Variants in NUMA1 observed in about 807,000 individuals in gnomAD.
The protein encoded by NUMA1 is SP-H antigen.
In NUMA1, 62 loss-of-function variants were observed where a neutral mutation model predicts 237.1. That is an observed-to-expected ratio of 0.26 (90% CI 0.21 to 0.32). NUMA1 has a LOEUF of 0.32. Among genes scored for constraint, NUMA1 ranks in the 10% least tolerant of loss-of-function variants. The probability of loss-of-function intolerance (pLI) is 1.00; values close to 1 mark genes in which losing one functional copy is unlikely to be tolerated. For synonymous variants in NUMA1, 1,028 were observed against 1,066.1 expected (o/e 0.96, Z 0.70); for missense variants, 2,533 against 2,666.5 (o/e 0.95, Z 1.10).
intron 1 of NUMA1, among the ~76,000 whole-genome samples, chr11:72,078,501 C>T (rs2136380723): frequency 6.6e-6 from 1 of 152,350 alleles, no homozygotes; most frequent in East Asian, 1.9e-4. Context: ...CAGGGCTTTG[C>T]CCTCATCCTA....
Position 72,013,024 on chromosome 11 carries a change from C to T in NUMA1, c.4479G>A (p.Glu1493=), listed in dbSNP as rs755039295. The change falls in exon 15 of 27, where the codon GAG becomes GAA. Residue 1493 remains glutamate, a synonymous_variant. Coordinates refer to ENST00000393695, the MANE Select transcript of NUMA1 (RefSeq NM_006185.4). This position sits in a 1 kb window ranked among gnomAD's most constrained non-coding sequence, Gnocchi z 6.8. ...VRADAETRLA[E]VQREAQSTAR... is the part of the protein sequence containing the mutation. Reference sequence around the variant, plus strand: ...CAGTGCTCTGTGCTTCTCGCTGCACCTCAGCCAGACGGGTCTCAGCATCAG... The same window carrying T: ...CAGTGCTCTGTGCTTCTCGCTGCACTTCAGCCAGACGGGTCTCAGCATCAG... The T allele has an allele frequency of 6.2e-7, 1 of 1,614,216 alleles. No individual in the cohort carries two copies. Among genetic ancestry groups the T allele is most frequent in the South Asian group, 1.1e-5 (1 of 91,088 alleles).
rs1349686057 is a variant in NUMA1 at position 72,022,373 on chromosome 11, G to A, written c.338C>T (p.Pro113Leu). The A allele has an allele frequency of 6.2e-7, 1 of 1,613,780 alleles. No homozygotes were observed. The highest frequency in any genetic ancestry group is 2.2e-5 in the East Asian group (1 of 44,838). Residue 113 changes from proline to leucine, a missense_variant, in exon 7 of 27, where the codon CCC becomes CTC. Physicochemically the swap from Pro to Leu is moderately conservative, Grantham distance 98. Around this residue, in one of 3 missense-constraint regions of NUMA1, gnomAD observed 1,414 missense variants for 1,508.1 expected, o/e 0.94. Coordinates refer to ENST00000393695, the MANE Select transcript of NUMA1 (RefSeq NM_006185.4). ...ATATTCAAACTGTTCCCAGTCCCTG[G>A]GACTTTTGGAGCTCATGGTAGAGTG... ...LYHSTMSSKS[P>L]RDWEQFEYKI...
At chr11:72,059,188 T>C (rs995090330) in intron 2 of NUMA1, among the ~76,000 whole-genome samples, 1 of 152,236 alleles carries the variant, frequency 6.6e-6, no homozygotes, top group South Asian at 2.1e-4. Context: ...TCTGTAATCA[T>C]ACCATATAAT....
intron 2 of NUMA1, among the ~76,000 whole-genome samples, chr11:72,037,198 T>C (rs79765990): frequency 2.5e-4 from 38 of 152,350 alleles, no homozygotes; most frequent in African/African-American, 9.1e-4. Flanking sequence ...AAAGGTATTT[T>C]CTTAGTTCCT....
At chr11:72,006,867 C>T (rs908030126) in intron 21 of NUMA1, among the ~76,000 whole-genome samples, 3 of 152,366 alleles carry the variant, frequency 2.0e-5, no homozygotes, top group Non-Finnish European at 4.4e-5. Context: ...CAATGCCTCT[C>T]AGCTGCATGG....
In NUMA1 at chr11:72,006,181, C is replaced by A. The variant is rs750396147; in HGVS notation, c.5546G>T (p.Arg1849Leu). 1 of 1,614,116 alleles carries A rather than the reference C, an allele frequency of 6.2e-7. No individual in the cohort carries two copies. The highest frequency in any genetic ancestry group is 8.5e-7 in the Non-Finnish European group (1 of 1,180,032). Residue 1849 changes from arginine (R) to leucine (L), a missense_variant, in exon 22 of 27, where the codon CGA (arginine) becomes CTA (leucine). Arg to Leu is a moderately radical substitution (Grantham distance 102, BLOSUM62 -2). Coordinates refer to ENST00000393695, the MANE Select transcript of NUMA1 (RefSeq NM_006185.4). ...TAGAGACTGAGTAGAGGAGGTGGCTCGCAGGCTAGCCTGGGAAGCAGGAGC... is the reference window on the plus strand; with the variant it reads ...TAGAGACTGAGTAGAGGAGGTGGCTAGCAGGCTAGCCTGGGAAGCAGGAGC... ...RSAPASQASL[R>L]ATSSTQSLAR...
chr11:72,028,450 TAAAAAAAAAAAAAAAA>T (rs11300189), intron 4 of NUMA1, among the ~76,000 whole-genome samples: 1 of 75,368 alleles, frequency 1.3e-5, no homozygotes, highest in East Asian at 4.6e-4. Flanking sequence ...TGCTTTTTCT[TAAAAAAAAAAAAAAAA>T]AAAAAAAAAA....
chr11:72,005,861 C>G, intron 22 of NUMA1, 174 bp downstream of exon 22: 1 of 617,760 alleles, frequency 1.6e-6, no homozygotes, highest in East Asian at 2.8e-5. Flanking sequence ...ACAGCCAGCC[C>G]CTAGATGGGC....
Position 72,018,211 on chromosome 11 carries a change from G to A in NUMA1, c.950C>T (p.Ser317Leu), listed in dbSNP as rs779161234. 6.2e-6 allele frequency: 10 copies of A among 1,613,932 alleles called. No homozygotes were observed. The highest frequency in any genetic ancestry group is 4.5e-5 in the East Asian group (2 of 44,892). The change falls in exon 12 of 27, where the codon TCG becomes TTG. Residue 317 changes from serine to leucine, a missense_variant. This residue lies in a region of NUMA1 where 1,414 missense variants were observed against 1,508.1 expected (regional missense o/e 0.94). Coordinates refer to ENST00000393695, the MANE Select transcript of NUMA1 (RefSeq NM_006185.4). ...SQMDRKINQL[S>L]EENGDLSFKL... ...AAAGGAAAGGTCTCCATTCTCCTCC[G>A]AAAGCTGGTTGATTTTGCGATCCAT...
Position 72,014,875 on chromosome 11 carries a change from C to T in NUMA1, c.2628G>A (p.Glu876=), listed in dbSNP as rs1956412288. ...QISRQQNELA[E]LHANLARALQ... is the part of the protein sequence containing the mutation. ...GTGCTCTGGCCAGGTTGGCATGGAG[C>T]TCAGCTAGTTCGTTCTGCTGCCGGC... Residue 876 remains glutamate (E), a synonymous_variant, in exon 15 of 27, where the codon GAG becomes GAA. Transcript: ENST00000393695. The surrounding 1 kb of genome is among the most constrained non-coding windows in gnomAD (Gnocchi z 4.6). The T allele has an allele frequency of 1.9e-6, 3 of 1,614,142 alleles. No individual in the cohort carries two copies. Among genetic ancestry groups the T allele is most frequent in the African/African-American group, 1.3e-5 (1 of 74,950 alleles).
At chr11:72,023,176 G>A (rs770576292) in intron 5 of NUMA1, 29 bp from the exon 6 acceptor site, 2 of 1,528,092 alleles carry the variant, frequency 1.3e-6, no homozygotes, top group Non-Finnish European at 1.8e-6. Flanking sequence ...AGAAAACAGG[G>A]TGAACTTCCT....
chr11:72,016,290 A>G, intron 14 of NUMA1, 30 bp from the exon 15 acceptor site: 1 of 1,584,798 alleles, frequency 6.3e-7, no homozygotes, highest in Non-Finnish European at 8.6e-7. Flanking sequence ...AACTGGGATC[A>G]GCATGACTCC....
chr11:72,063,593 C>T (rs78870582), intron 2 of NUMA1, among the ~76,000 whole-genome samples: 3,911 of 110,566 alleles, frequency 0.035, 55 homozygotes, highest in Middle Eastern at 0.11. Context: ...TTGTTACATA[C>T]ATCTTACCAA....
chr11:72,018,337 T>C (rs113691033), intron 11 of NUMA1, 37 bp from the exon 12 acceptor site: 48,718 of 1,608,248 alleles, frequency 0.03, 820 homozygotes, highest in East Asian at 0.064. Flanking sequence ...AGAGTATGGG[T>C]TCCTGGCTGG....
At chr11:72,022,998 G>T in intron 6 of NUMA1, 67 bp downstream of exon 6, 1 of 1,140,908 alleles carries the variant, frequency 8.8e-7, no homozygotes, top group Non-Finnish European at 1.3e-6. Context: ...AGAAGGCCCT[G>T]CAGGGTCCCT....
intron 2 of NUMA1, among the ~76,000 whole-genome samples, chr11:72,056,364 C>T (rs186092210): frequency 1.6e-3 from 242 of 150,880 alleles, no homozygotes; most frequent in African/African-American, 5.7e-3. Context: ...TCTTGTTGCC[C>T]AGGCTAGAGT....
chr11:72,009,537 C>T, intron 17 of NUMA1, 150 bp from the exon 18 acceptor site: 2 of 1,073,076 alleles, frequency 1.9e-6, no homozygotes, highest in South Asian at 1.7e-5. Flanking sequence ...ATACTCTCTG[C>T]CCGACTACAG....
In NUMA1 at chr11:72,013,279, C is replaced by T. The variant is rs142323055; in HGVS notation, c.4224G>A (p.Glu1408=). 92 of 1,604,238 alleles carry T rather than the reference C, an allele frequency of 5.7e-5. No homozygotes were observed. Among genetic ancestry groups the T allele is most frequent in the Non-Finnish European group, 7.3e-5 (86 of 1,179,770 alleles). ...ELLRAQRELG[E]LIPLRQKVAE... The stretch of plus-strand genomic sequence containing the variant: ...CCACCTTCTGCCGCAGAGGAATCAG[C>T]TCCCCAAGCTCCCGCTGGGCCCGCA... Residue 1408 remains glutamate (E), a synonymous_variant, in exon 15 of 27, where the codon GAG becomes GAA. Transcript: ENST00000393695. The surrounding 1 kb of genome is among the most constrained non-coding windows in gnomAD (Gnocchi z 6.8).
intron 2 of NUMA1, among the ~76,000 whole-genome samples, chr11:72,037,881 A>C (rs1385388160): frequency 6.6e-6 from 1 of 152,158 alleles, no homozygotes; most frequent in Non-Finnish European, 1.5e-5. Flanking sequence ...TACCCTATCC[A>C]TGGGCAAGAT....
Sources: allele counts gnomAD v4.1 joint callset (sites outside exome capture counted in the v4.1 genomes callset), GRCh38; gene constraint gnomAD v4.1.1; regional missense constraint gnomAD v4.1.1; non-coding constraint Gnocchi (gnomAD v3.1); transcripts MANE v1.5; gene names NCBI Gene and HGNC (gene_info 2026-07-23, HGNC 2026-07-21).